Variants in FANCC observed in about 807,000 individuals in gnomAD.
FANCC encodes Fanconi anemia group C protein.
Under a neutral mutation model 71.3 loss-of-function variants are expected in FANCC, and 55 were observed. The observed-to-expected ratio is 0.77, with a 90% confidence interval of 0.62 to 0.97. FANCC has a LOEUF of 0.97. Among genes scored for constraint, FANCC ranks in the 50% least tolerant of loss-of-function variants. The pLI is 0.00. For missense variants in FANCC, 678 were observed against 670.9 expected, an observed-to-expected ratio of 1.01 and a Z score of -0.12; for synonymous variants, 275 against 244.9, an observed-to-expected ratio of 1.12 and a Z score of -1.15.
At chr9:95,242,557 A>C (rs555308190) in intron 3 of FANCC, among the ~76,000 whole-genome samples, 1 of 151,946 alleles carries the variant, frequency 6.6e-6, no homozygotes, top group East Asian at 1.9e-4. Context: ...AATACCCAAA[A>C]CTGGGAGTTT....
At chr9:95,150,689 T>G (rs747092463) in intron 6 of FANCC, among the ~76,000 whole-genome samples, 1 of 152,232 alleles carries the variant, frequency 6.6e-6, no homozygotes, top group Non-Finnish European at 1.5e-5. Flanking sequence ...TCACCTCATG[T>G]AGAGAATAAG....
At chr9:95,282,266 C>A (rs1176879640) in intron 1 of FANCC, among the ~76,000 whole-genome samples, 1 of 152,010 alleles carries the variant, frequency 6.6e-6, no homozygotes, top group East Asian at 1.9e-4. Flanking sequence ...ATACTTATAT[C>A]AGATAAAATA....
chr9:95,310,859 A>C (rs1835353916), intron 1 of FANCC, among the ~76,000 whole-genome samples: 3 of 152,228 alleles, frequency 2.0e-5, no homozygotes, highest in Non-Finnish European at 4.4e-5. Context: ...AGAGTTGTGG[A>C]AACAAGCATA....
At chr9:95,210,670 A>G (rs1244708322) in intron 4 of FANCC, among the ~76,000 whole-genome samples, 1 of 152,224 alleles carries the variant, frequency 6.6e-6, no homozygotes, top group East Asian at 1.9e-4. Context: ...GTGACACACC[A>G]GGATTTGAAC....
intron 4 of FANCC, among the ~76,000 whole-genome samples, chr9:95,173,952 T>C (rs543239922): frequency 1.4e-4 from 21 of 152,328 alleles, no homozygotes; most frequent in Non-Finnish European, 2.4e-4. Flanking sequence ...GGTTATATTA[T>C]ACTACTAAAT....
intron 4 of FANCC, among the ~76,000 whole-genome samples, chr9:95,191,244 C>A (rs1444975114): frequency 1.3e-5 from 2 of 152,060 alleles, no homozygotes; most frequent in South Asian, 2.1e-4. Flanking sequence ...TGAGTGCTCC[C>A]TCCTATGGCC....
At chr9:95,102,818 C>T (rs976110125) in intron 14 of FANCC, among the ~76,000 whole-genome samples, 7 of 152,200 alleles carry the variant, frequency 4.6e-5, no homozygotes, top group Admixed American at 2.6e-4. Flanking sequence ...AGCGTGGGGA[C>T]GCAGAGCTAA....
intron 1 of FANCC, among the ~76,000 whole-genome samples, chr9:95,300,458 T>TC (rs1350947424): frequency 6.8e-6 from 1 of 147,418 alleles, no homozygotes; most frequent in Non-Finnish European, 1.5e-5. Context: ...TACAATTTCT[T>TC]TTTTTTTTTT....
chr9:95,305,011 T>C (rs957997779), intron 1 of FANCC, among the ~76,000 whole-genome samples: 2 of 152,216 alleles, frequency 1.3e-5, no homozygotes, highest in African/African-American at 2.4e-5. Flanking sequence ...GAAATTCAAC[T>C]GTTTTCTTTT....
chr9:95,227,185 C>T (rs1299027854), intron 4 of FANCC, among the ~76,000 whole-genome samples: 4 of 152,180 alleles, frequency 2.6e-5, no homozygotes, highest in Non-Finnish European at 5.9e-5. Flanking sequence ...TCTACTTGGT[C>T]AGTTCGGGAG....
intron 4 of FANCC, among the ~76,000 whole-genome samples, chr9:95,213,883 T>G (rs1331967145): frequency 6.6e-6 from 1 of 151,762 alleles, no homozygotes; most frequent in African/African-American, 2.4e-5. Flanking sequence ...TGGGAGAAAA[T>G]ATTTGCAAAT....
At chr9:95,236,006 T>C (rs1466973552) in intron 4 of FANCC, among the ~76,000 whole-genome samples, 1 of 152,128 alleles carries the variant, frequency 6.6e-6, no homozygotes, top group African/African-American at 2.4e-5. Context: ...TCTGTTAGAT[T>C]TTTTAATTTA....
At chr9:95,308,321 C>T (rs1012202998) in intron 1 of FANCC, among the ~76,000 whole-genome samples, 2 of 151,836 alleles carry the variant, frequency 1.3e-5, no homozygotes, top group Non-Finnish European at 2.9e-5. Flanking sequence ...CACAGATCAC[C>T]GCTTTTTGTT....
intron 1 of FANCC, among the ~76,000 whole-genome samples, chr9:95,271,444 A>C (rs1051504027): frequency 1.6e-4 from 25 of 152,204 alleles, no homozygotes; most frequent in Non-Finnish European, 3.2e-4. Context: ...GAGGCAGCAA[A>C]GTGAAGACAG....
At chr9:95,268,073 G>C (rs1292866404) in intron 1 of FANCC, among the ~76,000 whole-genome samples, 2 of 152,198 alleles carry the variant, frequency 1.3e-5, no homozygotes, top group Non-Finnish European at 2.9e-5. Flanking sequence ...AGCACATCCA[G>C]GCTGTGAGTC....
At chr9:95,133,060 ATCTC>A (rs1827155873) in intron 8 of FANCC, among the ~76,000 whole-genome samples, 1 of 152,210 alleles carries the variant, frequency 6.6e-6, no homozygotes, top group African/African-American at 2.4e-5. Flanking sequence ...AGTCTTAGAG[ATCTC>A]TCTGATACTT....
intron 4 of FANCC, among the ~76,000 whole-genome samples, chr9:95,195,033 A>G (rs1445448009): frequency 1.3e-5 from 2 of 151,956 alleles, no homozygotes; most frequent in Non-Finnish European, 2.9e-5. Context: ...CCCCGTCTCT[A>G]CTAAAAATAC....
chr9:95,137,897 CAG>C (rs1300227963), intron 7 of FANCC, among the ~76,000 whole-genome samples: 4 of 152,212 alleles, frequency 2.6e-5, no homozygotes, highest in Admixed American at 6.5e-5. Flanking sequence ...CAGCACATGG[CAG>C]AGAGAGGAGA....
intron 4 of FANCC, among the ~76,000 whole-genome samples, chr9:95,172,636 C>A (rs1217315494): frequency 6.6e-6 from 1 of 151,878 alleles, no homozygotes; most frequent in Non-Finnish European, 1.5e-5. Flanking sequence ...GAGAACACAT[C>A]ACAAATCAGT....
Sources: gnomAD v4.1 joint callset for allele counts (sites outside exome capture counted in the v4.1 genomes callset) on GRCh38, gnomAD v4.1.1 for gene constraint, MANE v1.5 for transcripts, NCBI Gene and HGNC (gene_info 2026-07-23, HGNC 2026-07-21) for gene names.